Variants in FHIT observed in about 807,000 individuals in gnomAD.
The protein encoded by FHIT is fragile histidine triad diadenosine triphosphatase.
FHIT carries 19 observed loss-of-function variants against 17.9 expected under a neutral mutation model. The observed-to-expected ratio is 1.06, with a 90% CI of 0.74 to 1.56. FHIT has a LOEUF of 1.56. Ranked by LOEUF, FHIT falls within the 40% of genes most tolerant of loss-of-function variation. The probability of loss-of-function intolerance (pLI) is 0.00; values close to 1 mark genes in which losing one functional copy is unlikely to be tolerated. For missense variants in FHIT, 248 were observed against 189.2 expected (o/e 1.31, Z -1.82); for synonymous variants, 81 against 69.7 (o/e 1.16, Z -0.81).
At chr3:60,053,685 T>C (rs1220653724) in intron 5 of FHIT, among the ~76,000 whole-genome samples, 1 of 151,896 alleles carries the variant, frequency 6.6e-6, no homozygotes, top group East Asian at 1.9e-4. Context: ...CCACCCCCGC[T>C]TTTTTGCTTT....
chr3:59,802,397 C>G (rs1349634734), intron 8 of FHIT, among the ~76,000 whole-genome samples: 1 of 152,182 alleles, frequency 6.6e-6, no homozygotes. Context: ...CTGTGACCTG[C>G]ACGTATACAT....
At chr3:61,212,327 G>A (rs1190213240) in intron 1 of FHIT, among the ~76,000 whole-genome samples, 1 of 152,204 alleles carries the variant, frequency 6.6e-6, no homozygotes, top group Non-Finnish European at 1.5e-5. Flanking sequence ...GGAGCTGAAA[G>A]CCAAGGCACG....
intron 5 of FHIT, among the ~76,000 whole-genome samples, chr3:60,126,168 A>G (rs1275661379): frequency 6.6e-6 from 1 of 151,910 alleles, no homozygotes; most frequent in Non-Finnish European, 1.5e-5. Context: ...CTCCCAAAGT[A>G]CTCTGTTTTC....
rs146992415 is a variant in FHIT at position 61,088,470 on chromosome 3, C to T, written c.-163-46371G>A. Among the ~76,000 whole-genome samples, 978 of 152,170 alleles carry T rather than the reference C, an allele frequency of 6.4e-3. 5 individuals carry two copies. Among genetic ancestry groups the T allele is most frequent in the African/African-American group, 8.8e-3 (365 of 41,508 alleles). The stretch of plus-strand genomic sequence containing the variant: ...ACCTTGTACAGCCAATTTAGCAAAT[C>T]GAAGCTGAATCCCTTGCTTTCTATG... On this transcript the variant is annotated intron_variant, in intron 2 of 9. Coordinates refer to ENST00000492590, the MANE Select transcript of FHIT (RefSeq NM_002012.4).
At chr3:60,955,633 T>TACATATATATACAC (rs1709113132) in intron 3 of FHIT, among the ~76,000 whole-genome samples, 1 of 39,522 alleles carries the variant, frequency 2.5e-5, no homozygotes, top group Non-Finnish European at 5.8e-5. Context: ...TATATATATA[T>TACATATATATACAC]ACACACACAC....
intron 5 of FHIT, among the ~76,000 whole-genome samples, chr3:60,274,763 A>G (rs1707040286): frequency 6.6e-6 from 1 of 152,180 alleles, no homozygotes; most frequent in Non-Finnish European, 1.5e-5. Flanking sequence ...TTTAAGAGAG[A>G]TTCATGGCCT....
At chr3:60,049,990 G>A (rs1701806874) in intron 5 of FHIT, among the ~76,000 whole-genome samples, 1 of 152,056 alleles carries the variant, frequency 6.6e-6, no homozygotes, top group Admixed American at 6.5e-5. Flanking sequence ...TCAACTTGGT[G>A]GTTATAGAGC....
chr3:59,780,969 GATATA>G (rs918662208), intron 8 of FHIT, among the ~76,000 whole-genome samples: 30 of 152,126 alleles, frequency 2.0e-4, no homozygotes, highest in African/African-American at 7.0e-4. Context: ...AGGCCTCTAT[GATATA>G]ATATAAATAT....
intron 3 of FHIT, among the ~76,000 whole-genome samples, chr3:60,963,811 T>C (rs1201053965): frequency 6.6e-6 from 1 of 152,212 alleles, no homozygotes; most frequent in Non-Finnish European, 1.5e-5. Flanking sequence ...TATTATAATT[T>C]CTATTCTTTT....
At chr3:60,836,285 G>A (rs1702538239) in intron 3 of FHIT, among the ~76,000 whole-genome samples, 1 of 152,124 alleles carries the variant, frequency 6.6e-6, no homozygotes, top group Non-Finnish European at 1.5e-5. Context: ...AGTAATACCA[G>A]CTTCCTAAAA....
chr3:60,264,018 CTTG>C (rs1706442023), intron 5 of FHIT, among the ~76,000 whole-genome samples: 1 of 151,510 alleles, frequency 6.6e-6, no homozygotes, highest in African/African-American at 2.4e-5. Context: ...TCAAATTAAA[CTTG>C]TTATGTCCTG....
rs774300890 is a variant in FHIT at position 60,495,400 on chromosome 3, T to G, written c.103+41460A>C. Among the ~76,000 whole-genome samples the G allele has an allele frequency of 6.1e-4, 93 of 152,198 alleles. 2 individuals are homozygous for G. The highest frequency in any genetic ancestry group is 2.1e-4 in the Non-Finnish European group (14 of 68,022). On this transcript the variant is annotated intron_variant, in intron 5 of 9. Coordinates refer to ENST00000492590, the MANE Select transcript of FHIT (RefSeq NM_002012.4). ...TCCCAACTGTTTTCTATTTTTCTTT[T>G]CCCAAAACTATTCCAAAAAGTTTAT... is the stretch of plus-strand genomic sequence containing the variant.
chr3:59,768,002 T>C (rs929864117), intron 8 of FHIT, among the ~76,000 whole-genome samples: 4 of 152,214 alleles, frequency 2.6e-5, no homozygotes, highest in Admixed American at 1.3e-4. Flanking sequence ...ATTATCCCCA[T>C]TTTATAGAGA....
At chr3:59,947,122 G>A (rs1438374920) in intron 7 of FHIT, among the ~76,000 whole-genome samples, 2 of 152,130 alleles carry the variant, frequency 1.3e-5, no homozygotes, top group Non-Finnish European at 2.9e-5. Flanking sequence ...GTAGAATTTG[G>A]CTGTGAATCT....
chr3:60,533,717 T>C lies in FHIT; in HGVS notation c.103+3143A>G, dbSNP rs562993032. Among the ~76,000 whole-genome samples the C allele has an allele frequency of 5.1e-4, 78 of 152,148 alleles. 1 individual carries two copies. The highest frequency in any genetic ancestry group is 2.4e-4 in the Non-Finnish European group (16 of 68,006). On this transcript the variant is annotated intron_variant, in intron 5 of 9. Transcript: ENST00000492590. ...GGCAGGAGAAAGTATAGTAAAGGGA[T>C]AGTACAACACATATTCAGGGAACAG... is the stretch of plus-strand genomic sequence containing the variant.
chr3:60,328,317 T>C lies in FHIT; in HGVS notation c.103+208543A>G, dbSNP rs552572054. ...TTGTATTAGTTCATTTTCATACTGCTATGAAGAAACACCTGAGAATGGGTA... is the reference window on the plus strand; with the variant it reads ...TTGTATTAGTTCATTTTCATACTGCCATGAAGAAACACCTGAGAATGGGTA... On this transcript the variant is annotated intron_variant, in intron 5 of 9. Coordinates refer to ENST00000492590, the MANE Select transcript of FHIT (RefSeq NM_002012.4). Among the ~76,000 whole-genome samples, 15 of 152,286 alleles carry C rather than the reference T, an allele frequency of 9.8e-5. No homozygotes were observed. The South Asian group carries it at 2.7e-3, about 27-fold the overall frequency.
intron 4 of FHIT, among the ~76,000 whole-genome samples, chr3:60,569,184 G>T (rs1164105327): frequency 6.6e-6 from 1 of 152,046 alleles, no homozygotes; most frequent in African/African-American, 2.4e-5. Context: ...ATTTCAGGCA[G>T]TATCTTTAAA....
rs577588102 is a variant in FHIT, at chr3:60,029,203, C to T, written c.104-15051G>A. Among the ~76,000 whole-genome samples the T allele has an allele frequency of 7.9e-5, 12 of 152,140 alleles. 1 individual carries two copies. The highest frequency in any genetic ancestry group is 2.2e-4 in the African/African-American group (9 of 41,516). ...AGGGTTTTTAATGATTAGAGAAAAA[C>T]GTTAAAGGTCATAGAACAGTCATAC... On this transcript the variant is annotated intron_variant, in intron 5 of 9. Coordinates refer to ENST00000492590, the MANE Select transcript of FHIT (RefSeq NM_002012.4).
chr3:60,578,063 T>C (rs1553658221), intron 4 of FHIT, among the ~76,000 whole-genome samples: 1 of 152,076 alleles, frequency 6.6e-6, no homozygotes, highest in African/African-American at 2.4e-5. Context: ...CAACTTGTCT[T>C]CCGAAATCTG....
Sources: gnomAD v4.1 joint callset for allele counts (sites outside exome capture counted in the v4.1 genomes callset) on GRCh38, gnomAD v4.1.1 for gene constraint, MANE v1.5 for transcripts, NCBI Gene and HGNC (gene_info 2026-07-23, HGNC 2026-07-21) for gene names.